The following NPAS3 variants were observed in gnomAD, a reference collection of about 807,000 sequenced individuals.
NPAS3 encodes neuronal PAS domain protein 3.
Under a neutral mutation model 73.1 loss-of-function variants are expected in NPAS3, and 14 were observed. The ratio of observed to expected loss-of-function variants is 0.19; its 90% confidence interval spans 0.13 to 0.30. NPAS3 has a LOEUF of 0.30. Among genes scored for constraint, NPAS3 ranks in the 10% least tolerant of loss-of-function variants. NPAS3 has a pLI of 1.00. For synonymous variants in NPAS3, 620 were observed against 541.5 expected (o/e 1.14, Z -2.01); for missense variants, 1,096 against 1,250.0 (o/e 0.88, Z 1.86).
chr14:33,588,764 C>A (rs914597129), intron 5 of NPAS3, among the ~76,000 whole-genome samples: 3 of 152,148 alleles, frequency 2.0e-5, no homozygotes, highest in African/African-American at 7.2e-5. Flanking sequence ...CAGATGCCTA[C>A]CACCATGCAC....
intron 2 of NPAS3, among the ~76,000 whole-genome samples, chr14:33,112,136 G>T (rs1310834589): frequency 1.3e-5 from 2 of 152,144 alleles, no homozygotes; most frequent in African/African-American, 4.8e-5. Flanking sequence ...ACATACGTGT[G>T]CATGTGTCTT....
intron 8 of NPAS3, among the ~76,000 whole-genome samples, 178 bp from the exon 9 acceptor site, chr14:33,778,288 A>C (rs1270315452): frequency 6.6e-6 from 1 of 152,212 alleles, no homozygotes; most frequent in Non-Finnish European, 1.5e-5. Flanking sequence ...ACTTTTGAAA[A>C]AAGACTGTTA....
intron 4 of NPAS3, among the ~76,000 whole-genome samples, chr14:33,522,904 T>C (rs1231293299): frequency 6.6e-6 from 1 of 152,154 alleles, no homozygotes; most frequent in East Asian, 1.9e-4. Context: ...TATCTGAATG[T>C]TTTACATTCA....
intron 2 of NPAS3, among the ~76,000 whole-genome samples, chr14:33,165,337 C>G (rs1952077): frequency 1.3e-5 from 2 of 151,248 alleles, no homozygotes; most frequent in South Asian, 4.2e-4. Context: ...ATCTAGTAGG[C>G]TATCCTCGTA....
intron 2 of NPAS3, 124 bp downstream of exon 2, chr14:33,056,118 AAAC>A (rs377486631): frequency 1.8e-5 from 10 of 542,500 alleles, no homozygotes; most frequent in African/African-American, 1.7e-4. Flanking sequence ...GGAGAAAAAA[AAAC>A]AAAAAAACAA....
chr14:33,436,238 C>T (rs2048985312), intron 4 of NPAS3, among the ~76,000 whole-genome samples: 1 of 152,094 alleles, frequency 6.6e-6, no homozygotes, highest in Non-Finnish European at 1.5e-5. Flanking sequence ...CCTCCGCTGA[C>T]CAGTAGATGC....
chr14:33,164,298 G>T (rs952556316), intron 2 of NPAS3, among the ~76,000 whole-genome samples: 4 of 152,124 alleles, frequency 2.6e-5, no homozygotes, highest in Admixed American at 6.6e-5. Context: ...GTTTCATAAA[G>T]ATTTCAATTT....
rs536859148 is a variant in NPAS3, at chr14:33,607,015, A to G, written c.558+46805A>G. ...CATTAGGGAAATGCAGATTAAAACT[A>G]CAGTGATATTCCACTGTGTACCTAT... On this transcript the variant is annotated intron_variant, in intron 5 of 11. Transcript: ENST00000356141. 2.6e-4 allele frequency among the ~76,000 whole-genome samples: 40 copies of G among 152,346 alleles called. No homozygotes were observed. The South Asian group carries it at 5.4e-3, about 21-fold the overall frequency.
At chr14:33,031,516 A>G (rs1343770782) in intron 1 of NPAS3, among the ~76,000 whole-genome samples, 1 of 152,126 alleles carries the variant, frequency 6.6e-6, no homozygotes, top group Non-Finnish European at 1.5e-5. Context: ...TTTTAGAGAC[A>G]GGGTTTCACT....
At chr14:33,314,725 A>G (rs2140210353) in intron 3 of NPAS3, among the ~76,000 whole-genome samples, 1 of 152,194 alleles carries the variant, frequency 6.6e-6, no homozygotes, top group South Asian at 2.1e-4. Context: ...CGACAATTTG[A>G]ATAGGAAGGG....
chr14:33,668,071 C>T (rs890085987), intron 5 of NPAS3, among the ~76,000 whole-genome samples: 22 of 152,200 alleles, frequency 1.4e-4, no homozygotes, highest in Non-Finnish European at 2.1e-4. Flanking sequence ...GTTTCAAACA[C>T]AGCTGCAATA....
chr14:33,155,618 A>G (rs1025131395), intron 2 of NPAS3, among the ~76,000 whole-genome samples: 3 of 152,198 alleles, frequency 2.0e-5, no homozygotes, highest in African/African-American at 7.2e-5. Context: ...AGATATGAAT[A>G]TAAACCAGAG....
At chr14:33,304,469 G>T (rs562201972) in intron 3 of NPAS3, among the ~76,000 whole-genome samples, 1 of 151,594 alleles carries the variant, frequency 6.6e-6, no homozygotes, top group South Asian at 2.1e-4. Context: ...AAACAGTAGG[G>T]TGTAGGTGGT....
chr14:33,011,551 G>GT (rs35182169), intron 1 of NPAS3, among the ~76,000 whole-genome samples: 85,087 of 149,850 alleles, frequency 0.57, 25,305 homozygotes, highest in Non-Finnish European at 0.68. Flanking sequence ...CTAGAAATCA[G>GT]TTTTTTTTTT....
chr14:33,515,062 C>T (rs1334806217), intron 4 of NPAS3, among the ~76,000 whole-genome samples: 1 of 152,064 alleles, frequency 6.6e-6, no homozygotes, highest in Non-Finnish European at 1.5e-5. Flanking sequence ...GACCAGAATC[C>T]AGGTGTCTTC....
At position 33,345,880 on chromosome 14, in the gene NPAS3, C is replaced by T. The variant is rs546719874; in HGVS notation, c.386-21306C>T. Among the ~76,000 whole-genome samples, 13 of 152,248 alleles carry T rather than the reference C, an allele frequency of 8.5e-5. 1 individual carries two copies. In the South Asian group the frequency reaches 2.7e-3, roughly 32 times the overall value. On this transcript the variant is annotated intron_variant, in intron 3 of 11. Coordinates refer to ENST00000356141, the Ensembl canonical transcript of NPAS3. ...ATTCTTCACTAGCCACTCTTAGTTG[C>T]CTGAAATTGATCATTATCATCATCA...
chr14:33,802,397 A>AG (rs2063738133), downstream of NPAS3: 1 of 151,654 alleles, frequency 6.6e-6, no homozygotes, highest in Non-Finnish European at 1.5e-5. Flanking sequence ...AAAAAGAAAA[A>AG]AAAAAGAAAA....
At chr14:33,476,151 A>G (rs555059775) in intron 4 of NPAS3, among the ~76,000 whole-genome samples, 185 of 152,352 alleles carry the variant, frequency 1.2e-3, no homozygotes, top group Middle Eastern at 6.8e-3. Context: ...GTTTTTATCC[A>G]AATATAGATA....
intron 5 of NPAS3, among the ~76,000 whole-genome samples, chr14:33,570,511 A>T (rs932044390): frequency 5.3e-5 from 8 of 152,186 alleles, no homozygotes; most frequent in Non-Finnish European, 1.0e-4. Context: ...AAATAATAAT[A>T]AAAAAACCCA....
Sources: allele counts gnomAD v4.1 joint callset (sites outside exome capture counted in the v4.1 genomes callset), GRCh38; gene constraint gnomAD v4.1.1; transcripts MANE v1.5; gene names NCBI Gene and HGNC (gene_info 2026-07-23, HGNC 2026-07-21).